The following GNAI3 variants were observed in gnomAD, a reference collection of about 807,000 sequenced individuals.
GNAI3 encodes the protein G protein subunit alpha i3.
In GNAI3, 12 loss-of-function variants were observed where a neutral mutation model predicts 41.8. That is an observed-to-expected ratio of 0.29 (90% CI 0.18 to 0.47). The LOEUF is 0.47. GNAI3 is among the 20% of genes least tolerant of loss of function. The pLI is 1.00. For missense variants in GNAI3, 360 were observed against 429.6 expected (o/e 0.84, Z 1.43); for synonymous variants, 132 against 146.5 (o/e 0.90, Z 0.71).
chr1:109,600,133 A>C lies in GNAI3; in HGVS notation c.*7811A>C, dbSNP rs78989390. On this transcript the variant is annotated 3_prime_UTR_variant, in exon 9 of 9. Transcript: ENST00000369851. ...ATATTTGTTTCTGATCTGGTTACAA[A>C]AAAAAAAAAAACTTGATGGCTTAAA... 3 of 101,166 alleles carry C rather than the reference A, an allele frequency of 3.0e-5. No homozygotes were observed. Among genetic ancestry groups the C allele is most frequent in the Admixed American group, 1.9e-4 (2 of 10,452 alleles). The allele number at this position is 101,166 out of a possible 1,614,324, so 6.3% of individuals were successfully genotyped here. A position where few individuals can be genotyped will look rare whatever the true frequency, so the allele number is the denominator to read the frequency against.
At position 109,569,338 on chromosome 1, in the gene GNAI3, T is replaced by G. The variant is rs12746026; in HGVS notation, c.119-4399T>G. Among the ~76,000 whole-genome samples, 1,017 of 152,322 alleles carry G rather than the reference T, an allele frequency of 6.7e-3. 7 individuals carry two copies. The highest frequency in any genetic ancestry group is 0.011 in the Non-Finnish European group (755 of 68,034). On this transcript the variant is annotated intron_variant, in intron 1 of 8. Transcript: ENST00000369851. The stretch of plus-strand genomic sequence containing the variant: ...TGTCTTTGCAGTATCCTTTGCATCT[T>G]CCCATTCTTTGTATTTCAACTATTA...
chr1:109,567,545 T>C (rs909428795), intron 1 of GNAI3, among the ~76,000 whole-genome samples: 1 of 152,204 alleles, frequency 6.6e-6, no homozygotes, highest in Non-Finnish European at 1.5e-5. Context: ...TGCTCTGATA[T>C]ATTATAGTTT....
intron 7 of GNAI3, chr1:109,591,413 A>G (rs139184726): frequency 1.8e-5 from 11 of 601,268 alleles, no homozygotes; most frequent in African/African-American, 1.7e-4. Flanking sequence ...GAAAAAGGAC[A>G]TCTAAAAGCA....
intron 1 of GNAI3, among the ~76,000 whole-genome samples, chr1:109,550,606 T>C (rs1647957977): frequency 6.6e-6 from 1 of 152,066 alleles, no homozygotes; most frequent in Non-Finnish European, 1.5e-5. Context: ...CGATCTCGTC[T>C]CACTGCAACC....
chr1:109,574,293 CT>C (rs559996663), intron 3 of GNAI3, among the ~76,000 whole-genome samples: 2,526 of 136,576 alleles, frequency 0.018, 24 homozygotes, highest in South Asian at 0.058. Context: ...TATTCAATTG[CT>C]TTTTTTTTTT....
chr1:109,593,240 T>A lies in GNAI3; in HGVS notation c.*918T>A, dbSNP rs1649214393. 1 of 152,692 alleles carries A rather than the reference T, an allele frequency of 6.5e-6. No homozygotes were observed. Among genetic ancestry groups the A allele is most frequent in the Non-Finnish European group, 1.5e-5 (1 of 68,052 alleles). The allele number at this position is 152,692 out of a possible 1,614,324, so 9.5% of individuals were successfully genotyped here. On this transcript the variant is annotated 3_prime_UTR_variant, in exon 9 of 9. Transcript: ENST00000369851. ...TTGTTTGTCTCAGTTATAGGGAGTTTTGTACATGGTGCCTCTTGTTTTCCA... is the reference window on the plus strand; with the variant it reads ...TTGTTTGTCTCAGTTATAGGGAGTTATGTACATGGTGCCTCTTGTTTTCCA...
In GNAI3 at chr1:109,592,361, T is replaced by C; in HGVS notation, c.*39T>C. ...CTCTTCTAGTTACTACAGTGTGGAG[T>C]GTTGAGACCAGACACCTTTTGCTGT... On this transcript the variant is annotated 3_prime_UTR_variant, in exon 9 of 9. Transcript: ENST00000369851. 1.6e-6 allele frequency: 1 copy of C among 606,442 alleles called. No individual in the cohort carries two copies. Among genetic ancestry groups the C allele is most frequent in the Admixed American group, 2.9e-5 (1 of 34,098 alleles). 37.6% of individuals were successfully genotyped at this position (606,442 alleles called of 1,614,324 possible). A position where few individuals can be genotyped will look rare whatever the true frequency, so the allele number is the denominator to read the frequency against.
rs1022633655 is a variant in GNAI3 at position 109,548,640 on chromosome 1, T to C, written c.-81T>C. 21 of 939,858 alleles carry C rather than the reference T, an allele frequency of 2.2e-5. No homozygotes were observed. The highest frequency in any genetic ancestry group is 4.8e-5 in the African/African-American group (3 of 62,126). The allele number at this position is 939,858 out of a possible 1,614,324, so 58.2% of individuals were successfully genotyped here. Reference sequence around the variant, plus strand: ...GACGGAGAGGGCCACCGCCCAGCAATAGACGGTGCCTCAGCCTGCCGAGCC... The same window carrying C: ...GACGGAGAGGGCCACCGCCCAGCAACAGACGGTGCCTCAGCCTGCCGAGCC... On this transcript the variant is annotated 5_prime_UTR_variant, in exon 1 of 9. Coordinates refer to ENST00000369851, the MANE Select transcript of GNAI3 (RefSeq NM_006496.4).
chr1:109,581,412 A>C (rs1163962908), intron 4 of GNAI3, among the ~76,000 whole-genome samples: 1 of 152,166 alleles, frequency 6.6e-6, no homozygotes, highest in East Asian at 1.9e-4. Context: ...AAATGGTTAA[A>C]CACGCATGAC....
intron 1 of GNAI3, among the ~76,000 whole-genome samples, chr1:109,554,010 T>A (rs1648074978): frequency 6.6e-6 from 1 of 152,214 alleles, no homozygotes; most frequent in Non-Finnish European, 1.5e-5. Context: ...TCCAGTTCCA[T>A]CCAGGTTGCT....
At chr1:109,573,247 A>G (rs183707273) in intron 1 of GNAI3, among the ~76,000 whole-genome samples, 3 of 152,276 alleles carry the variant, frequency 2.0e-5, no homozygotes, top group East Asian at 3.9e-4. Context: ...ATGGTGAGAA[A>G]TTGATAGGAA....
intron 7 of GNAI3, among the ~76,000 whole-genome samples, chr1:109,590,939 C>T (rs146217252): frequency 1.1e-4 from 16 of 152,198 alleles, no homozygotes; most frequent in Non-Finnish European, 2.1e-4. Context: ...TTATGCTTCA[C>T]GTTACTGAAA....
chr1:109,571,435 T>C (rs1015830322), intron 1 of GNAI3, among the ~76,000 whole-genome samples: 8 of 152,218 alleles, frequency 5.3e-5, no homozygotes, highest in Non-Finnish European at 1.0e-4. Flanking sequence ...AACTGTGTAA[T>C]TATAGGCAAG....
rs1307151437 is a variant in GNAI3 at position 109,548,855 on chromosome 1, G to C, written c.118+17G>C. On this transcript the variant is annotated intron_variant, in intron 1 of 8. Coordinates refer to ENST00000369851, the MANE Select transcript of GNAI3 (RefSeq NM_006496.4). The stretch of plus-strand genomic sequence containing the variant: ...TGCTACTCGGTGAGGGGCTGGAGGC[G>C]GGGACTGAGTGGTGGTCGGGAGAGC... 6.6e-7 allele frequency: 1 copy of C among 1,511,558 alleles called. No individual in the cohort carries two copies. The highest frequency in any genetic ancestry group is 9.2e-7 in the Non-Finnish European group (1 of 1,089,612). 93.6% of individuals were successfully genotyped at this position (1,511,558 alleles called of 1,614,324 possible).
intron 1 of GNAI3, among the ~76,000 whole-genome samples, chr1:109,564,459 T>C (rs1392135954): frequency 6.6e-6 from 1 of 152,144 alleles, no homozygotes; most frequent in Non-Finnish European, 1.5e-5. Context: ...GTGAGCTCTC[T>C]CCTTTAAGTC....
At chr1:109,550,420 A>C (rs917855714) in intron 1 of GNAI3, among the ~76,000 whole-genome samples, 1 of 152,224 alleles carries the variant, frequency 6.6e-6, no homozygotes, top group Non-Finnish European at 1.5e-5. Context: ...GGTCCCTGGT[A>C]CCTAGTAGGT....
At chr1:109,551,430 C>T (rs900652556) in intron 1 of GNAI3, among the ~76,000 whole-genome samples, 2 of 152,214 alleles carry the variant, frequency 1.3e-5, no homozygotes, top group Non-Finnish European at 2.9e-5. Context: ...AAGTTGAGAT[C>T]TATCTACTTA....
At chr1:109,590,079 T>C (rs528934497) in intron 7 of GNAI3, among the ~76,000 whole-genome samples, 1 of 152,150 alleles carries the variant, frequency 6.6e-6, no homozygotes, top group Non-Finnish European at 1.5e-5. Context: ...TATGTAACAT[T>C]TTGAGTGAGG....
At chr1:109,551,324 G>A (rs745715494) in intron 1 of GNAI3, among the ~76,000 whole-genome samples, 2 of 152,174 alleles carry the variant, frequency 1.3e-5, no homozygotes, top group Admixed American at 6.5e-5. Context: ...TAAGCAAAAT[G>A]TACCCAAAAC....
Sources: gnomAD v4.1 joint callset for allele counts (sites outside exome capture counted in the v4.1 genomes callset) on GRCh38, gnomAD v4.1.1 for gene constraint, MANE v1.5 for transcripts, NCBI Gene and HGNC (gene_info 2026-07-23, HGNC 2026-07-21) for gene names.